ZBTB43: variants seen among roughly 807,000 people sequenced by gnomAD.
The protein encoded by ZBTB43 is zinc finger and BTB domain containing 43, also known as zinc finger and BTB domain-containing protein 43.
A neutral mutation model predicts 31.1 loss-of-function variants in ZBTB43; 6 were observed. The observed-to-expected ratio is 0.19, with a 90% CI of 0.11 to 0.38. ZBTB43 has a LOEUF of 0.38. ZBTB43 is among the 10% of genes least tolerant of loss of function. The pLI is 1.00. For synonymous variants in ZBTB43, 212 were observed against 221.7 expected, an observed-to-expected ratio of 0.96 and a Z score of 0.39; for missense variants, 379 against 602.1, an observed-to-expected ratio of 0.63 and a Z score of 3.88.
intron 2 of ZBTB43, among the ~76,000 whole-genome samples, chr9:126,828,141 T>C (rs2032683198): frequency 6.6e-6 from 1 of 152,124 alleles, no homozygotes; most frequent in Non-Finnish European, 1.5e-5. Context: ...CCAACCTTAC[T>C]CTTCATGCCA....
intron 2 of ZBTB43, among the ~76,000 whole-genome samples, chr9:126,818,296 A>T (rs185221664): frequency 9.3e-4 from 137 of 146,916 alleles, no homozygotes; most frequent in Admixed American, 2.3e-3. Context: ...CTAATTAAAA[A>T]ATATATATAT....
intron 2 of ZBTB43, among the ~76,000 whole-genome samples, chr9:126,828,651 AATAATTATT>A (rs1263585077): frequency 1.6e-5 from 2 of 126,526 alleles, no homozygotes; most frequent in South Asian, 2.4e-4. Context: ...TAATAATAAT[AATAATTATT>A]ATTATTATTA....
chr9:126,812,538 T>C (rs1215286571), intron 2 of ZBTB43, among the ~76,000 whole-genome samples: 3 of 152,224 alleles, frequency 2.0e-5, no homozygotes, highest in African/African-American at 4.8e-5. Flanking sequence ...ACCAGCAATG[T>C]ATGGAGGTTA....
At chr9:126,817,949 C>A (rs541579092) in intron 2 of ZBTB43, among the ~76,000 whole-genome samples, 15 of 152,158 alleles carry the variant, frequency 9.9e-5, no homozygotes, top group African/African-American at 3.6e-4. Flanking sequence ...CATATTCACC[C>A]AAAGTTAAGG....
chr9:126,813,391 A>G (rs2032293352), intron 2 of ZBTB43, among the ~76,000 whole-genome samples: 1 of 152,106 alleles, frequency 6.6e-6, no homozygotes, highest in Non-Finnish European at 1.5e-5. Flanking sequence ...TTCCTTAACC[A>G]TGCCTCACAG....
intron 2 of ZBTB43, among the ~76,000 whole-genome samples, chr9:126,810,440 G>A (rs557229711): frequency 1.3e-5 from 2 of 148,558 alleles, no homozygotes; most frequent in South Asian, 2.1e-4. Flanking sequence ...GTGATCCACC[G>A]TCTCGTGCTC....
intron 1 of ZBTB43, among the ~76,000 whole-genome samples, chr9:126,806,548 G>C (rs988893177): frequency 4.6e-5 from 7 of 152,100 alleles, no homozygotes; most frequent in African/African-American, 1.2e-4. Context: ...GTCTGGAAAT[G>C]GGTTGTGATG....
At chr9:126,804,662 T>C (rs768459365), upstream of ZBTB43, among the ~76,000 whole-genome samples, 2 of 152,134 alleles carry the variant, frequency 1.3e-5, no homozygotes, top group African/African-American at 2.4e-5. Context: ...TTTTTGTATG[T>C]TTTGTAGAGA....
intron 2 of ZBTB43, among the ~76,000 whole-genome samples, chr9:126,812,570 G>A (rs1472969838): frequency 6.6e-6 from 1 of 151,674 alleles, no homozygotes; most frequent in Admixed American, 6.6e-5. Context: ...CATCCTCACC[G>A]ACACCTGTTA....
At chr9:126,804,141 A>G (rs1371327518), upstream of ZBTB43, among the ~76,000 whole-genome samples, 1 of 152,180 alleles carries the variant, frequency 6.6e-6, no homozygotes, top group Non-Finnish European at 1.5e-5. Flanking sequence ...CCACCGCTAA[A>G]GACCTATCTC....
In ZBTB43 at chr9:126,837,388, G is replaced by T. The variant is rs1481322714; in HGVS notation, c.*3475G>T. On this transcript the variant is annotated 3_prime_UTR_variant, in exon 3 of 3. Coordinates refer to ENST00000373464, the MANE Select transcript of ZBTB43 (RefSeq NM_014007.4). The stretch of plus-strand genomic sequence containing the variant: ...ATTTGCTGAACTAACCTGCCCCTAA[G>T]GCTGGCTTCTAACCACCGGGGAAAG... 2 of 167,140 alleles carry T rather than the reference G, an allele frequency of 1.2e-5. No homozygotes were observed. The allele number at this position is 167,140 out of a possible 1,614,324, so 10.4% of individuals were successfully genotyped here. A position where few individuals can be genotyped will look rare whatever the true frequency, so the allele number is the denominator to read the frequency against.
chr9:126,812,423 G>C (rs1420950530), intron 2 of ZBTB43, among the ~76,000 whole-genome samples: 1 of 152,046 alleles, frequency 6.6e-6, no homozygotes, highest in Non-Finnish European at 1.5e-5. Flanking sequence ...TTTTTCTTGG[G>C]TATGTACCTA....
At chr9:126,815,244 A>ATATATATATAGTTTTCAATATGTAAAAC (rs2032351834) in intron 2 of ZBTB43, among the ~76,000 whole-genome samples, 2 of 31,038 alleles carry the variant, frequency 6.4e-5, no homozygotes, top group African/African-American at 1.8e-4. Context: ...ATATAAAACT[A>ATATATATATAGTTTTCAATATGTAAAAC]TATATATATA....
At chr9:126,814,944 T>G (rs1335127247) in intron 2 of ZBTB43, among the ~76,000 whole-genome samples, 1 of 151,196 alleles carries the variant, frequency 6.6e-6, no homozygotes. Context: ...TGGCTTGCAT[T>G]GCTTCTGAGG....
intron 2 of ZBTB43, 126 bp from the exon 3 acceptor site, chr9:126,832,361 T>TA: frequency 1.1e-6 from 1 of 871,682 alleles, no homozygotes; most frequent in Non-Finnish European, 1.7e-6. Context: ...TTGAATCCCT[T>TA]ACCCAGTGGG....
In ZBTB43 at chr9:126,815,244, ATATATATATAGTTTTCAATATATAAAAC is replaced by A. The variant is rs2032351955; in HGVS notation, c.-24+6340_-24+6367del. ...TATATAGTTTTCAATATATAAAACTATATATATATAGTTTTCAATATATAAAACTATATATATATAGTTTTCAATATAT... is the reference window on the plus strand; with the variant it reads ...TATATAGTTTTCAATATATAAAACTATATATATATATAGTTTTCAATATAT... On this transcript the variant is annotated intron_variant, in intron 2 of 2. Coordinates refer to ENST00000373464, the MANE Select transcript of ZBTB43 (RefSeq NM_014007.4). Among the ~76,000 whole-genome samples the A allele has an allele frequency of 7.4e-4, 23 of 31,050 alleles. No individual in the cohort carries two copies. The East Asian group carries it at 0.041, about 55-fold the overall frequency. The allele number at this position is 31,050 out of a possible 152,430, so 20.4% of individuals were successfully genotyped here. A position where few individuals can be genotyped will look rare whatever the true frequency, so the allele number is the denominator to read the frequency against.
chr9:126,826,765 C>G (rs2119155090), intron 2 of ZBTB43, among the ~76,000 whole-genome samples: 1 of 152,290 alleles, frequency 6.6e-6, no homozygotes, highest in South Asian at 2.1e-4. Context: ...CGCCCGACCT[C>G]CTGGCCCCTT....
At chr9:126,811,701 C>G (rs1383784754) in intron 2 of ZBTB43, among the ~76,000 whole-genome samples, 5 of 152,194 alleles carry the variant, frequency 3.3e-5, no homozygotes, top group Non-Finnish European at 4.4e-5. Context: ...TCTTGGCTCA[C>G]TGCAGCCTCC....
At chr9:126,828,771 CA>C (rs972392744) in intron 2 of ZBTB43, among the ~76,000 whole-genome samples, 1 of 150,860 alleles carries the variant, frequency 6.6e-6, no homozygotes, top group Non-Finnish European at 1.5e-5. Context: ...TTCATCTTGG[CA>C]AAAAAATCTA....
Sources: allele counts gnomAD v4.1 joint callset (sites outside exome capture counted in the v4.1 genomes callset), GRCh38; gene constraint gnomAD v4.1.1; transcripts MANE v1.5; gene names NCBI Gene and HGNC (gene_info 2026-07-23, HGNC 2026-07-21).